The following CDH4 variants were observed in gnomAD, a reference collection of about 807,000 sequenced individuals.
CDH4 encodes the protein cadherin-4.
A neutral mutation model predicts 86.0 loss-of-function variants in CDH4; 33 were observed. The observed-to-expected ratio is 0.38, with a 90% CI of 0.29 to 0.51. CDH4 has a LOEUF of 0.51. CDH4 is among the 20% of genes least tolerant of loss of function. The probability of loss-of-function intolerance (pLI) is 0.86; values close to 1 mark genes in which losing one functional copy is unlikely to be tolerated. For synonymous variants in CDH4, 555 were observed against 549.4 expected, an observed-to-expected ratio of 1.01 and a Z score of -0.14; for missense variants, 1,114 against 1,307.4, an observed-to-expected ratio of 0.85 and a Z score of 2.28.
intron 2 of CDH4, among the ~76,000 whole-genome samples, chr20:61,271,612 A>G (rs2084183455): frequency 2.0e-5 from 3 of 152,222 alleles, no homozygotes; most frequent in African/African-American, 7.2e-5. Context: ...TCACATCCCA[A>G]ACATCTCCCA....
chr20:61,345,772 G>A (rs574569579), intron 2 of CDH4, among the ~76,000 whole-genome samples: 46 of 152,200 alleles, frequency 3.0e-4, no homozygotes, highest in Non-Finnish European at 5.0e-4. Context: ...CATCCTCGGG[G>A]AGGGCTCTTT....
At chr20:61,620,649 A>G (rs1275440240) in intron 2 of CDH4, among the ~76,000 whole-genome samples, 1 of 152,256 alleles carries the variant, frequency 6.6e-6, no homozygotes, top group Non-Finnish European at 1.5e-5. Context: ...TCCATAATTT[A>G]TTAACAAAGA....
intron 2 of CDH4, among the ~76,000 whole-genome samples, chr20:61,291,768 G>A (rs963834302): frequency 5.3e-5 from 8 of 152,048 alleles, no homozygotes; most frequent in Non-Finnish European, 8.8e-5. Flanking sequence ...CTTTAGGTTC[G>A]GGGGTACATG....
At chr20:61,628,094 G>C (rs1286883844) in intron 2 of CDH4, among the ~76,000 whole-genome samples, 3 of 152,154 alleles carry the variant, frequency 2.0e-5, no homozygotes, top group Non-Finnish European at 4.4e-5. Context: ...TGAGGAGGCT[G>C]GGTTTCTTCT....
chr20:61,830,864 C>G (rs773510358), intron 4 of CDH4, among the ~76,000 whole-genome samples: 2 of 152,210 alleles, frequency 1.3e-5, no homozygotes, highest in Non-Finnish European at 2.9e-5. Context: ...TGCCAACTGC[C>G]CACCTCCGCT....
chr20:61,347,537 A>G (rs564626135), intron 2 of CDH4, among the ~76,000 whole-genome samples: 115 of 152,350 alleles, frequency 7.5e-4, no homozygotes, highest in Non-Finnish European at 1.3e-3. Flanking sequence ...CGCAGAAGGA[A>G]TCATTAATGG....
chr20:61,935,971 A>G (rs1205406450), intron 15 of CDH4, among the ~76,000 whole-genome samples: 1 of 152,102 alleles, frequency 6.6e-6, no homozygotes, highest in Non-Finnish European at 1.5e-5. Context: ...ACCAGTCCAT[A>G]CTGAATGACA....
intron 2 of CDH4, among the ~76,000 whole-genome samples, chr20:61,456,287 G>A (rs1426021123): frequency 6.6e-6 from 1 of 152,236 alleles, no homozygotes. Flanking sequence ...GAATGTGTTG[G>A]CAACATGGCG....
chr20:61,803,111 A>T (rs4925291), intron 4 of CDH4, among the ~76,000 whole-genome samples: 42,136 of 152,218 alleles, frequency 0.28, 6,075 homozygotes, highest in African/African-American at 0.33. Flanking sequence ...GCCCTGTCTC[A>T]GCAGCGCGGC....
chr20:61,554,606 A>G (rs1162823939), intron 2 of CDH4, among the ~76,000 whole-genome samples: 1 of 152,208 alleles, frequency 6.6e-6, no homozygotes, highest in Non-Finnish European at 1.5e-5. Flanking sequence ...ACAACAGGTC[A>G]CCCACAGACT....
chr20:61,585,140 C>T (rs2086459744), intron 2 of CDH4, among the ~76,000 whole-genome samples: 1 of 152,234 alleles, frequency 6.6e-6, no homozygotes, highest in Non-Finnish European at 1.5e-5. Flanking sequence ...CGGTAAGTGG[C>T]AGAGCTGGAT....
chr20:61,500,087 CTG>C (rs2085689858), intron 2 of CDH4, among the ~76,000 whole-genome samples: 2 of 152,344 alleles, frequency 1.3e-5, no homozygotes, highest in South Asian at 2.1e-4. Flanking sequence ...GTCGGAATCA[CTG>C]TGGCATCCTC....
intron 2 of CDH4, among the ~76,000 whole-genome samples, chr20:61,542,099 A>AG (rs1227855189): frequency 1.3e-5 from 2 of 152,322 alleles, no homozygotes; most frequent in East Asian, 3.9e-4. Context: ...CCATACCCAG[A>AG]GGGCAGCTGG....
chr20:61,376,018 CT>C (rs2084870006), intron 2 of CDH4, among the ~76,000 whole-genome samples: 1 of 17,394 alleles, frequency 5.7e-5, no homozygotes. Context: ...GGTGGTGATA[CT>C]GTGGTTTGTG....
intron 2 of CDH4, among the ~76,000 whole-genome samples, chr20:61,632,026 G>C (rs1472231880): frequency 6.6e-6 from 1 of 152,254 alleles, no homozygotes; most frequent in African/African-American, 2.4e-5. Context: ...AGTGGCTGTC[G>C]GGATGATGCC....
chr20:61,661,392 G>A (rs2087255592), intron 2 of CDH4, among the ~76,000 whole-genome samples: 1 of 151,550 alleles, frequency 6.6e-6, no homozygotes, highest in African/African-American at 2.4e-5. Flanking sequence ...GAGGGAAAAT[G>A]TCGCAAACCA....
intron 8 of CDH4, among the ~76,000 whole-genome samples, chr20:61,903,051 A>G (rs1362613777): frequency 6.6e-6 from 1 of 151,134 alleles, no homozygotes; most frequent in Non-Finnish European, 1.5e-5. Context: ...GACACACAGT[A>G]TTAGCATTGA....
In CDH4 at chr20:61,417,615, C is replaced by A. The variant is rs1336216046; in HGVS notation, c.169+162678C>A. On this transcript the variant is annotated intron_variant, in intron 2 of 15. Coordinates refer to ENST00000614565, the MANE Select transcript of CDH4 (RefSeq NM_001794.5). The surrounding 1 kb of genome is among the most constrained non-coding windows in gnomAD (Gnocchi z 4.0). ...AATGCATTTCTGTATCGCTATCTAG[C>A]AGGGCTGTAAATTGGCAGCGTGGAT... Among the ~76,000 whole-genome samples, 1 of 152,238 alleles carries A rather than the reference C, an allele frequency of 6.6e-6. No individual in the cohort carries two copies. The highest frequency in any genetic ancestry group is 1.9e-4 in the East Asian group (1 of 5,190).
At chr20:61,383,622 G>GA (rs375005825) in intron 2 of CDH4, among the ~76,000 whole-genome samples, 4 of 23,660 alleles carry the variant, frequency 1.7e-4, no homozygotes, top group East Asian at 0.045. Context: ...ATGAATATAT[G>GA]ATATATATCA....
Sources: allele counts gnomAD v4.1 joint callset (sites outside exome capture counted in the v4.1 genomes callset), GRCh38; gene constraint gnomAD v4.1.1; non-coding constraint Gnocchi (gnomAD v3.1); transcripts MANE v1.5; gene names NCBI Gene and HGNC (gene_info 2026-07-23, HGNC 2026-07-21).